Variants in DENND1A observed in about 807,000 individuals in gnomAD.
DENND1A encodes DENN domain-containing protein 1A.
A neutral mutation model predicts 113.7 loss-of-function variants in DENND1A; 51 were observed. The ratio of observed to expected loss-of-function variants is 0.45; its 90% confidence interval spans 0.36 to 0.57. The LOEUF (loss-of-function observed/expected upper bound fraction) is 0.57, where lower values mean the gene tolerates loss of function less well. Ranked by LOEUF, DENND1A falls within the 20% of genes least tolerant of loss-of-function variation. DENND1A has a pLI of 0.00. For missense variants in DENND1A, 1,258 were observed against 1,395.9 expected (o/e 0.90, Z 1.57); for synonymous variants, 565 against 570.8 (o/e 0.99, Z 0.14).
intron 5 of DENND1A, among the ~76,000 whole-genome samples, chr9:123,724,409 A>C (rs551966054): frequency 1.9e-4 from 29 of 152,264 alleles, no homozygotes; most frequent in African/African-American, 6.7e-4. Flanking sequence ...TGTTGGCTCC[A>C]GGCCAAATCT....
At chr9:123,920,207 G>T (rs574493096) in intron 1 of DENND1A, among the ~76,000 whole-genome samples, 71 of 152,256 alleles carry the variant, frequency 4.7e-4, no homozygotes, top group African/African-American at 1.7e-3. Context: ...GAGGCGGGCG[G>T]ATCACCTGAG....
chr9:123,698,856 A>T (rs1056369853), intron 5 of DENND1A, among the ~76,000 whole-genome samples: 1 of 152,238 alleles, frequency 6.6e-6, no homozygotes, highest in Admixed American at 6.5e-5. Flanking sequence ...GATCAAACAT[A>T]TAAAGGACTA....
At chr9:123,390,933 AC>A (rs1278547093) in intron 21 of DENND1A, among the ~76,000 whole-genome samples, 1 of 152,240 alleles carries the variant, frequency 6.6e-6, no homozygotes, top group Non-Finnish European at 1.5e-5. Flanking sequence ...ACAGCTTGAC[AC>A]GTTGGTGCAA....
intron 5 of DENND1A, among the ~76,000 whole-genome samples, chr9:123,698,613 C>T (rs1430250208): frequency 6.6e-6 from 1 of 152,180 alleles, no homozygotes; most frequent in Non-Finnish European, 1.5e-5. Context: ...AAAGTTGTTT[C>T]TCCTTCGTTT....
chr9:123,905,107 A>G (rs1852522550), intron 1 of DENND1A, among the ~76,000 whole-genome samples: 1 of 151,608 alleles, frequency 6.6e-6, no homozygotes, highest in Admixed American at 6.6e-5. Context: ...CAGCCAAACT[A>G]AGCTTCGTAA....
At chr9:123,629,686 T>C (rs2061393752) in intron 10 of DENND1A, among the ~76,000 whole-genome samples, 1 of 152,220 alleles carries the variant, frequency 6.6e-6, no homozygotes, top group South Asian at 2.1e-4. Flanking sequence ...TAAAGTCTGT[T>C]TCACTGAACA....
intron 13 of DENND1A, among the ~76,000 whole-genome samples, chr9:123,520,033 G>A (rs143216822): frequency 1.9e-3 from 287 of 151,318 alleles, no homozygotes; most frequent in Admixed American, 4.7e-3. Context: ...GATGGTGCAC[G>A]CCTGTGGTCC....
chr9:123,892,263 C>T (rs1219121397), intron 1 of DENND1A, among the ~76,000 whole-genome samples: 2 of 152,168 alleles, frequency 1.3e-5, no homozygotes, highest in Admixed American at 1.3e-4. Flanking sequence ...AACTCATGTT[C>T]ATGGTGCATT....
chr9:123,909,584 G>A (rs1413504659), intron 1 of DENND1A, among the ~76,000 whole-genome samples: 1 of 151,880 alleles, frequency 6.6e-6, no homozygotes, highest in Non-Finnish European at 1.5e-5. Context: ...TCAACATACT[G>A]GTTGACACTG....
At chr9:123,738,193 C>T (rs1200227336) in intron 5 of DENND1A, among the ~76,000 whole-genome samples, 3 of 152,090 alleles carry the variant, frequency 2.0e-5, no homozygotes, top group Non-Finnish European at 4.4e-5. Flanking sequence ...TCGTTGCATA[C>T]ACAAAATGTC....
In DENND1A at chr9:123,448,785, T is replaced by C. The variant is rs570083213; in HGVS notation, c.1356+1908A>G. Among the ~76,000 whole-genome samples the C allele has an allele frequency of 4.6e-5, 7 of 152,358 alleles. No individual in the cohort carries two copies. The South Asian group carries it at 1.2e-3, about 27-fold the overall frequency. On this transcript the variant is annotated intron_variant, in intron 18 of 23. Transcript: ENST00000394215. ...TCTCAGCTGAAACTAAGAATTTAAA[T>C]GCTTAGTCAGAGCAAATTATTTTCC...
At chr9:123,395,501 AGAGAGAGAGAGAGT>A (rs982017044) in intron 21 of DENND1A, among the ~76,000 whole-genome samples, 4 of 90,026 alleles carry the variant, frequency 4.4e-5, no homozygotes, top group Non-Finnish European at 7.1e-5. Flanking sequence ...TGTGACAGAG[AGAGAGAGAGAGAGT>A]GAGAGTGAGA....
intron 1 of DENND1A, among the ~76,000 whole-genome samples, chr9:123,924,849 G>A (rs573984435): frequency 5.1e-4 from 78 of 152,184 alleles, no homozygotes; most frequent in African/African-American, 1.8e-3. Flanking sequence ...CCTTCTGTCC[G>A]TTCCTGAAAT....
At chr9:123,582,517 A>G (rs1017130527) in intron 12 of DENND1A, among the ~76,000 whole-genome samples, 16 of 151,182 alleles carry the variant, frequency 1.1e-4, no homozygotes, top group Admixed American at 7.3e-4. Context: ...CTCCTGCCTC[A>G]GCCTCCTGAG....
intron 12 of DENND1A, among the ~76,000 whole-genome samples, chr9:123,572,322 A>G (rs2058401135): frequency 6.6e-6 from 1 of 152,148 alleles, no homozygotes; most frequent in Non-Finnish European, 1.5e-5. Flanking sequence ...TTATGGGTAT[A>G]CCACTGATTG....
In DENND1A at chr9:123,382,057, G is replaced by A. The variant is rs1240489115; in HGVS notation, c.2588C>T (p.Pro863Leu). ...AWSGSTLPSR[P>L]ATPNVATPFT... ...TGGGGTGGCTACATTCGGGGTGGCG[G>A]GGCGTGACGGGAGGGTGCTGCCTGA... The change falls in exon 24 of 24, where the codon CCC becomes CTC. Residue 863 changes from proline (P) to leucine (L), a missense_variant. Physicochemically the swap from Pro to Leu is moderately conservative, Grantham distance 98. Coordinates refer to ENST00000394215, the MANE Select transcript of DENND1A (RefSeq NM_001352964.2). 4 of 1,504,050 alleles carry A rather than the reference G, an allele frequency of 2.7e-6. No homozygotes were observed. The highest frequency in any genetic ancestry group is 8.9e-7 in the Non-Finnish European group (1 of 1,128,266). 93.2% of individuals were successfully genotyped at this position (1,504,050 alleles called of 1,614,324 possible).
chr9:123,414,367 C>T (rs997613609), intron 19 of DENND1A: 11 of 1,423,192 alleles, frequency 7.7e-6, no homozygotes, highest in African/African-American at 2.9e-5. Flanking sequence ...CCCAGTCCAT[C>T]GCCTACATTT....
rs924302288 is a variant in DENND1A at position 123,644,809 on chromosome 9, G to A, written c.618+7204C>T. Among the ~76,000 whole-genome samples the A allele has an allele frequency of 3.9e-5, 6 of 152,112 alleles. No homozygotes were observed. The East Asian group carries it at 5.8e-4, about 15-fold the overall frequency. ...GACATGACCTTGGGCAAGTTATTCC[G>A]CCTTTCCAAATGGACTGGCTGTTCT... is the stretch of plus-strand genomic sequence containing the variant. On this transcript the variant is annotated intron_variant, in intron 9 of 23. Transcript: ENST00000394215.
At chr9:123,675,187 G>A (rs1251982453) in intron 6 of DENND1A, among the ~76,000 whole-genome samples, 1 of 152,134 alleles carries the variant, frequency 6.6e-6, no homozygotes, top group Non-Finnish European at 1.5e-5. Flanking sequence ...ATTTGCCAGT[G>A]AGTAAATCTA....
Sources: allele counts gnomAD v4.1 joint callset (sites outside exome capture counted in the v4.1 genomes callset), GRCh38; gene constraint gnomAD v4.1.1; transcripts MANE v1.5; gene names NCBI Gene and HGNC (gene_info 2026-07-23, HGNC 2026-07-21).